Variants in ZSWIM5 observed in about 807,000 individuals in gnomAD.
ZSWIM5 encodes zinc finger SWIM domain-containing protein 5.
In ZSWIM5, 55 loss-of-function variants were observed where a neutral mutation model predicts 119.6. The observed-to-expected ratio is 0.46, with a 90% CI of 0.37 to 0.58. The LOEUF (loss-of-function observed/expected upper bound fraction) is 0.58, where lower values mean the gene tolerates loss of function less well. Among genes scored for constraint, ZSWIM5 ranks in the 20% least tolerant of loss-of-function variants. The pLI is 0.00. For synonymous variants in ZSWIM5, 537 were observed against 606.9 expected (o/e 0.88, Z 1.69); for missense variants, 1,193 against 1,512.8 (o/e 0.79, Z 3.51).
intron 1 of ZSWIM5, among the ~76,000 whole-genome samples, chr1:45,094,203 G>C (rs1185571166): frequency 1.3e-5 from 2 of 151,624 alleles, no homozygotes; most frequent in African/African-American, 4.8e-5. Flanking sequence ...TTACAGGCAC[G>C]CGCCACCACG....
In ZSWIM5 at chr1:45,072,852, A is replaced by G. The variant is rs970517876; in HGVS notation, c.953-12605T>C. Among the ~76,000 whole-genome samples the G allele has an allele frequency of 1.3e-5, 2 of 152,138 alleles. No homozygotes were observed. The highest frequency in any genetic ancestry group is 4.8e-5 in the African/African-American group (2 of 41,384). ...CTGTAGTATAATGTGAAGTCAAGTAATAACTCCAGTTTTGTTCTTTTTGCT... is the reference window on the plus strand; with the variant it reads ...CTGTAGTATAATGTGAAGTCAAGTAGTAACTCCAGTTTTGTTCTTTTTGCT... On this transcript the variant is annotated intron_variant, in intron 2 of 13. Coordinates refer to ENST00000359600, the MANE Select transcript of ZSWIM5 (RefSeq NM_020883.2). This position sits in a 1 kb window ranked among gnomAD's most constrained non-coding sequence, Gnocchi z 4.1.
intron 1 of ZSWIM5, among the ~76,000 whole-genome samples, chr1:45,164,801 A>G (rs1232193982): frequency 6.6e-6 from 1 of 152,132 alleles, no homozygotes; most frequent in Non-Finnish European, 1.5e-5. Context: ...ATACAGGAGC[A>G]CCCAGATTCA....
At chr1:45,204,652 T>C (rs1646176239) in intron 1 of ZSWIM5, among the ~76,000 whole-genome samples, 1 of 152,208 alleles carries the variant, frequency 6.6e-6, no homozygotes, top group African/African-American at 2.4e-5. Context: ...CCTGGAGAGC[T>C]AGATGTCTGG....
chr1:45,182,634 G>T (rs1186921346), intron 1 of ZSWIM5, among the ~76,000 whole-genome samples: 1 of 152,060 alleles, frequency 6.6e-6, no homozygotes, highest in Middle Eastern at 3.2e-3. Context: ...AACCAACAAA[G>T]ATCAAAAGAG....
At chr1:45,123,882 A>T (rs1292600446) in intron 1 of ZSWIM5, among the ~76,000 whole-genome samples, 2 of 152,176 alleles carry the variant, frequency 1.3e-5, no homozygotes, top group Non-Finnish European at 2.9e-5. Flanking sequence ...TAAAAGCAGC[A>T]AGAGAAATAA....
intron 4 of ZSWIM5, among the ~76,000 whole-genome samples, chr1:45,054,921 G>A (rs1361754959): frequency 6.6e-6 from 1 of 152,096 alleles, no homozygotes; most frequent in Non-Finnish European, 1.5e-5. Flanking sequence ...TGCCTCCCAG[G>A]TTCAAGCGAT....
intron 5 of ZSWIM5, among the ~76,000 whole-genome samples, chr1:45,044,790 AATATATAT>A (rs1202407220): frequency 0.064 from 44 of 688 alleles, 16 homozygotes; most frequent in African/African-American, 0.15. Flanking sequence ...TATATATATA[AATATATAT>A]ATATAAATAT....
intron 1 of ZSWIM5, among the ~76,000 whole-genome samples, chr1:45,123,287 A>C (rs1645603934): frequency 6.6e-6 from 1 of 152,222 alleles, no homozygotes; most frequent in South Asian, 2.1e-4. Context: ...TCAACACCAA[A>C]GTGACAGGGA....
chr1:45,022,209 C>G (rs561995420), intron 11 of ZSWIM5, among the ~76,000 whole-genome samples: 2 of 151,012 alleles, frequency 1.3e-5, no homozygotes, highest in South Asian at 4.2e-4. Flanking sequence ...TGGCTCACTG[C>G]AAGCTCCGCC....
intron 2 of ZSWIM5, among the ~76,000 whole-genome samples, chr1:45,078,275 C>G (rs1645267278): frequency 6.6e-6 from 1 of 152,170 alleles, no homozygotes; most frequent in South Asian, 2.1e-4. Flanking sequence ...TCAGCCAGTC[C>G]CTCCGTTTGG....
intron 11 of ZSWIM5, among the ~76,000 whole-genome samples, chr1:45,022,039 T>A (rs1303620054): frequency 1.3e-5 from 2 of 148,198 alleles, no homozygotes; most frequent in Non-Finnish European, 3.0e-5. Context: ...AAAAAATAAA[T>A]AAGAGTTCAA....
At chr1:45,173,746 C>T (rs1053937762) in intron 1 of ZSWIM5, among the ~76,000 whole-genome samples, 18 of 152,022 alleles carry the variant, frequency 1.2e-4, no homozygotes, top group Admixed American at 2.6e-4. Flanking sequence ...TTTGGCAAAG[C>T]GCCCAGCACT....
intron 1 of ZSWIM5, among the ~76,000 whole-genome samples, chr1:45,115,075 CTCTT>C (rs1186951976): frequency 1.3e-5 from 2 of 152,248 alleles, no homozygotes; most frequent in African/African-American, 4.8e-5. Context: ...AATCCGATTT[CTCTT>C]TCTTTTCCCC....
intron 2 of ZSWIM5, among the ~76,000 whole-genome samples, chr1:45,061,319 C>T (rs1206601893): frequency 6.6e-6 from 1 of 150,918 alleles, no homozygotes; most frequent in Non-Finnish European, 1.5e-5. Context: ...TTTTAACTGA[C>T]AAATAATTGT....
At chr1:45,133,364 G>A (rs1185837330) in intron 1 of ZSWIM5, among the ~76,000 whole-genome samples, 1 of 152,198 alleles carries the variant, frequency 6.6e-6, no homozygotes, top group African/African-American at 2.4e-5. Flanking sequence ...CTGATGGCCA[G>A]TGATGATGAG....
At chr1:45,023,504 C>CTTT (rs34813125) in intron 11 of ZSWIM5, among the ~76,000 whole-genome samples, 4 of 139,188 alleles carry the variant, frequency 2.9e-5, no homozygotes, top group African/African-American at 1.1e-4. Context: ...TTCCATGTCT[C>CTTT]TTTTTTTTTT....
intron 1 of ZSWIM5, among the ~76,000 whole-genome samples, chr1:45,205,368 C>A (rs954357199): frequency 5.9e-5 from 9 of 152,154 alleles, no homozygotes; most frequent in African/African-American, 2.2e-4. Flanking sequence ...GTCCCTCAAA[C>A]GCTCCCTCTA....
chr1:45,108,403 T>C (rs1397746129), intron 1 of ZSWIM5, among the ~76,000 whole-genome samples: 1 of 152,178 alleles, frequency 6.6e-6, no homozygotes, highest in Non-Finnish European at 1.5e-5. Context: ...AGGACATAGG[T>C]AGCTATTTTT....
chr1:45,124,099 A>C (rs1306508384), intron 1 of ZSWIM5, among the ~76,000 whole-genome samples: 1 of 152,204 alleles, frequency 6.6e-6, no homozygotes, highest in African/African-American at 2.4e-5. Flanking sequence ...ACCCTAAAAC[A>C]GTAGCTAAAG....
Sources: allele counts gnomAD v4.1 joint callset (sites outside exome capture counted in the v4.1 genomes callset), GRCh38; gene constraint gnomAD v4.1.1; non-coding constraint Gnocchi (gnomAD v3.1); transcripts MANE v1.5; gene names NCBI Gene and HGNC (gene_info 2026-07-23, HGNC 2026-07-21).